The following SLIT3 variants were observed in gnomAD, a reference collection of about 807,000 sequenced individuals.
SLIT3 encodes the protein slit homolog 3 protein.
A neutral mutation model predicts 184.0 loss-of-function variants in SLIT3; 68 were observed. The ratio of observed to expected loss-of-function variants is 0.37; its 90% CI spans 0.30 to 0.45. SLIT3 has a LOEUF of 0.45. Ranked by LOEUF, SLIT3 falls within the 20% of genes least tolerant of loss-of-function variation. SLIT3 has a pLI of 1.00. For synonymous variants in SLIT3, 831 were observed against 828.6 expected, an observed-to-expected ratio of 1.00 and a Z score of -0.05; for missense variants, 1,707 against 2,026.0, an observed-to-expected ratio of 0.84 and a Z score of 3.02.
intron 14 of SLIT3, among the ~76,000 whole-genome samples, chr5:168,771,386 C>T (rs1228746080): frequency 6.6e-6 from 1 of 152,156 alleles, no homozygotes; most frequent in African/African-American, 2.4e-5. Context: ...CTCCCAGATG[C>T]TGTGTGGTGT....
At chr5:169,116,227 T>A (rs981851426) in intron 4 of SLIT3, among the ~76,000 whole-genome samples, 1 of 152,186 alleles carries the variant, frequency 6.6e-6, no homozygotes, top group African/African-American at 2.4e-5. Flanking sequence ...AAATCATTAC[T>A]GCAGGGCAGT....
chr5:168,702,041 C>G (rs1426382857), intron 26 of SLIT3, among the ~76,000 whole-genome samples: 1 of 152,230 alleles, frequency 6.6e-6, no homozygotes, highest in Non-Finnish European at 1.5e-5. Context: ...CGTCTGGTTC[C>G]CTTCATGCCC....
chr5:169,246,653 G>A (rs776197443), intron 2 of SLIT3, among the ~76,000 whole-genome samples: 17 of 152,140 alleles, frequency 1.1e-4, no homozygotes, highest in Middle Eastern at 3.2e-3. Context: ...GGGTGCAGTA[G>A]CTTACTCCTG....
chr5:169,275,946 C>A (rs550215489), intron 1 of SLIT3, among the ~76,000 whole-genome samples: 1 of 152,108 alleles, frequency 6.6e-6, no homozygotes, highest in South Asian at 2.1e-4. Context: ...TAAAACTGGT[C>A]CCTCTTGCCA....
chr5:168,978,737 T>A (rs1322676590), intron 4 of SLIT3, among the ~76,000 whole-genome samples: 1 of 152,182 alleles, frequency 6.6e-6, no homozygotes, highest in Admixed American at 6.5e-5. Flanking sequence ...AATACATTAT[T>A]TCAAAACAGG....
intron 4 of SLIT3, among the ~76,000 whole-genome samples, chr5:169,013,666 G>C: frequency 6.6e-6 from 1 of 152,230 alleles, no homozygotes; most frequent in South Asian, 2.1e-4. Flanking sequence ...AATTAAACCC[G>C]GGCTAAATAG....
At chr5:168,952,235 C>G (rs76430394) in intron 4 of SLIT3, among the ~76,000 whole-genome samples, 1 of 152,138 alleles carries the variant, frequency 6.6e-6, no homozygotes, top group Non-Finnish European at 1.5e-5. Context: ...TTTCTGAAAA[C>G]GCAAAATAGG....
chr5:168,998,683 G>A (rs1391478695), intron 4 of SLIT3, among the ~76,000 whole-genome samples: 5 of 145,566 alleles, frequency 3.4e-5, no homozygotes, highest in African/African-American at 9.9e-5. Flanking sequence ...CAGCCTGGGC[G>A]ACAGAGCAAG....
intron 6 of SLIT3, among the ~76,000 whole-genome samples, chr5:168,840,791 A>C (rs1175735790): frequency 6.6e-6 from 1 of 152,278 alleles, no homozygotes; most frequent in Non-Finnish European, 1.5e-5. Context: ...TTGAGGCTGT[A>C]TTTTTTTAGG....
chr5:168,730,112 T>TAA (rs34425836), intron 20 of SLIT3, among the ~76,000 whole-genome samples: 9 of 148,592 alleles, frequency 6.1e-5, no homozygotes, highest in Admixed American at 4.7e-4. Flanking sequence ...CATAAAACAG[T>TAA]AAAAAAAAAA....
intron 4 of SLIT3, among the ~76,000 whole-genome samples, chr5:169,162,924 C>T (rs10516060): frequency 0.24 from 35,951 of 152,006 alleles, 4,626 homozygotes; most frequent in East Asian, 0.4. Context: ...GGAGATAGCT[C>T]TAAGGGAGAA....
Position 168,687,037 on chromosome 5 carries a change from C to T in SLIT3, c.3256G>A (p.Gly1086Arg), listed in dbSNP as rs749187874. Residue 1086 changes from glycine to arginine, a missense_variant, in exon 30 of 36, where the codon GGG becomes AGG. Transcript: ENST00000519560. ...DDCVAHKCRH[G>R]AQCVDTINGY... ...TTGATTGTGTCCACGCACTGGGCCCCGTGGCGGCACTTGTGGGCCACACAG... is the reference window on the plus strand; with the variant it reads ...TTGATTGTGTCCACGCACTGGGCCCTGTGGCGGCACTTGTGGGCCACACAG... 6.2e-6 allele frequency: 10 copies of T among 1,614,274 alleles called. No individual in the cohort carries two copies. Among genetic ancestry groups the T allele is most frequent in the Middle Eastern group, 1.6e-4 (1 of 6,062 alleles).
chr5:168,920,915 G>A (rs967395858), intron 4 of SLIT3, among the ~76,000 whole-genome samples: 2 of 151,844 alleles, frequency 1.3e-5, no homozygotes, highest in Non-Finnish European at 1.5e-5. Context: ...ACCACACATC[G>A]CTCATTCCTT....
intron 4 of SLIT3, among the ~76,000 whole-genome samples, chr5:169,171,930 A>C (rs550814665): frequency 6.6e-6 from 1 of 152,228 alleles, no homozygotes; most frequent in African/African-American, 2.4e-5. Flanking sequence ...TAGAGTTGAG[A>C]AAGTGTGAAG....
chr5:168,679,609 C>G (rs141695603), intron 32 of SLIT3, among the ~76,000 whole-genome samples: 1 of 152,188 alleles, frequency 6.6e-6, no homozygotes, highest in East Asian at 1.9e-4. Flanking sequence ...GCTGGTTGCT[C>G]TAACCTGAAT....
At chr5:169,013,971 T>C (rs562047948) in intron 4 of SLIT3, among the ~76,000 whole-genome samples, 17 of 152,310 alleles carry the variant, frequency 1.1e-4, no homozygotes, top group Admixed American at 6.5e-4. Flanking sequence ...CTGTGTGTGA[T>C]AGTTATTGCA....
intron 12 of SLIT3, among the ~76,000 whole-genome samples, chr5:168,782,387 G>A (rs2113565660): frequency 6.6e-6 from 1 of 152,324 alleles, no homozygotes; most frequent in East Asian, 1.9e-4. Context: ...GTGTAACAAC[G>A]CAGCTTGCAG....
At chr5:168,688,781 G>T (rs1416906900) in intron 29 of SLIT3, among the ~76,000 whole-genome samples, 1 of 152,212 alleles carries the variant, frequency 6.6e-6, no homozygotes, top group Non-Finnish European at 1.5e-5. Flanking sequence ...ACAGCACCAT[G>T]TATACTTCTG....
chr5:169,172,382 G>A (rs979625458), intron 4 of SLIT3, among the ~76,000 whole-genome samples: 5 of 152,128 alleles, frequency 3.3e-5, no homozygotes, highest in African/African-American at 1.2e-4. Flanking sequence ...TAAAGCTCAA[G>A]TCCCACCAAA....
Sources: gnomAD v4.1 joint callset for allele counts (sites outside exome capture counted in the v4.1 genomes callset) on GRCh38, gnomAD v4.1.1 for gene constraint, MANE v1.5 for transcripts, NCBI Gene and HGNC (gene_info 2026-07-23, HGNC 2026-07-21) for gene names.